The following SLC39A11 variants were observed in gnomAD, a reference collection of about 807,000 sequenced individuals.
SLC39A11 encodes zinc transporter ZIP11.
SLC39A11 carries 33 observed loss-of-function variants against 36.1 expected under a neutral mutation model. The ratio of observed to expected loss-of-function variants is 0.91; its 90% CI spans 0.69 to 1.22. The LOEUF (loss-of-function observed/expected upper bound fraction) is 1.22, where lower values mean the gene tolerates loss of function less well. SLC39A11 is among the 50% of genes most tolerant of loss of function. The pLI is 0.00. For missense variants in SLC39A11, 432 were observed against 430.3 expected (o/e 1.00, Z -0.03); for synonymous variants, 166 against 170.3 (o/e 0.97, Z 0.20).
At chr17:72,794,742 G>A (rs752405408) in intron 6 of SLC39A11, among the ~76,000 whole-genome samples, 3 of 151,872 alleles carry the variant, frequency 2.0e-5, no homozygotes, top group Non-Finnish European at 4.4e-5. Context: ...CAAGTCCCAG[G>A]GTGACTTTCA....
chr17:72,936,411 TAAAAAAAAAAAAAAAAAA>T (rs746428868), intron 5 of SLC39A11, among the ~76,000 whole-genome samples: 1 of 73,448 alleles, frequency 1.4e-5, no homozygotes, highest in Non-Finnish European at 2.5e-5. Context: ...TGAAAAAAAG[TAAAAAAAAAAAAAAAAAA>T]AAAAAAAAAA....
intron 5 of SLC39A11, among the ~76,000 whole-genome samples, chr17:72,923,572 G>C (rs955412302): frequency 5.3e-5 from 8 of 152,202 alleles, no homozygotes; most frequent in Admixed American, 1.3e-4. Context: ...CCGTGATCCA[G>C]CAGTAACACA....
At chr17:72,747,625 G>T (rs1363221279) in intron 6 of SLC39A11, among the ~76,000 whole-genome samples, 1 of 152,180 alleles carries the variant, frequency 6.6e-6, no homozygotes, top group Non-Finnish European at 1.5e-5. Flanking sequence ...CACACCATGG[G>T]GCAGGGCTGC....
chr17:72,878,110 G>A (rs1258722597), intron 5 of SLC39A11, among the ~76,000 whole-genome samples: 2 of 151,712 alleles, frequency 1.3e-5, no homozygotes, highest in African/African-American at 4.8e-5. Flanking sequence ...GAGAATGATG[G>A]TTTCCAGCTT....
intron 6 of SLC39A11, chr17:72,839,244 G>A (rs903013777): frequency 6.6e-6 from 1 of 152,222 alleles, no homozygotes; most frequent in Non-Finnish European, 1.5e-5. Flanking sequence ...CCTGCATTCA[G>A]AAGATACCTT....
At chr17:72,817,121 G>A (rs554814531) in intron 6 of SLC39A11, among the ~76,000 whole-genome samples, 3 of 152,156 alleles carry the variant, frequency 2.0e-5, no homozygotes, top group African/African-American at 7.2e-5. Flanking sequence ...CCCAGGCTGA[G>A]TAACTTATAA....
intron 3 of SLC39A11, among the ~76,000 whole-genome samples, chr17:73,046,106 A>G (rs772046837): frequency 6.6e-6 from 1 of 152,192 alleles, no homozygotes; most frequent in African/African-American, 2.4e-5. Flanking sequence ...GCAAAGATCT[A>G]TAAGAGAGGA....
At chr17:72,915,084 C>T (rs1230575661) in intron 5 of SLC39A11, among the ~76,000 whole-genome samples, 1 of 152,068 alleles carries the variant, frequency 6.6e-6, no homozygotes, top group African/African-American at 2.4e-5. Context: ...CTCAGTTGTA[C>T]CCAACCTTGA....
chr17:72,941,658 C>T (rs28476625), intron 5 of SLC39A11, among the ~76,000 whole-genome samples: 11,435 of 151,680 alleles, frequency 0.075, 1,236 homozygotes, highest in African/African-American at 0.25. Flanking sequence ...CTCTATAAAG[C>T]GTACCCACCC....
rs146281756 is a variant in SLC39A11 at position 72,736,327 on chromosome 17, G to A, written c.671+323C>T. ...GGAGGGCTTCAAAAAGGAAAGGCCT[G>A]AAGAGTGTCAGCGGCTGCCTTTGTT... On this transcript the variant is annotated intron_variant, in intron 7 of 9. Coordinates refer to ENST00000255559, the MANE Select transcript of SLC39A11 (RefSeq NM_139177.4). Among the ~76,000 whole-genome samples, 519 of 152,334 alleles carry A rather than the reference G, an allele frequency of 3.4e-3. 2 individuals are homozygous for A. Among genetic ancestry groups the A allele is most frequent in the Admixed American group, 6.2e-3 (95 of 15,306 alleles).
chr17:72,690,670 C>T (rs2144420473), intron 7 of SLC39A11, among the ~76,000 whole-genome samples: 1 of 152,284 alleles, frequency 6.6e-6, no homozygotes, highest in South Asian at 2.1e-4. Flanking sequence ...CCTTTTGGTT[C>T]CCCCAAATCC....
At chr17:72,724,103 ATT>A (rs935971350) in intron 7 of SLC39A11, among the ~76,000 whole-genome samples, 1 of 146,170 alleles carries the variant, frequency 6.8e-6, no homozygotes. Context: ...TGTCCCTTTT[ATT>A]TTTTTTTTTC....
intron 5 of SLC39A11, among the ~76,000 whole-genome samples, chr17:72,905,597 TA>T (rs570222840): frequency 1.2e-3 from 177 of 143,018 alleles, no homozygotes; most frequent in Admixed American, 1.3e-3. Context: ...ACTCTGTCTC[TA>T]AAAAAAAAAA....
At chr17:72,795,322 T>A (rs1329465327) in intron 6 of SLC39A11, among the ~76,000 whole-genome samples, 1 of 152,116 alleles carries the variant, frequency 6.6e-6, no homozygotes, top group East Asian at 1.9e-4. Context: ...CCTGTGCAGC[T>A]GCTGGCTTGG....
At chr17:73,030,345 A>T (rs1568154360) in intron 4 of SLC39A11, among the ~76,000 whole-genome samples, 1 of 152,220 alleles carries the variant, frequency 6.6e-6, no homozygotes, top group African/African-American at 2.4e-5. Context: ...GTTCTTCTGT[A>T]ACACAAGGAA....
At chr17:72,975,369 G>A (rs570467886) in intron 4 of SLC39A11, among the ~76,000 whole-genome samples, 2 of 152,344 alleles carry the variant, frequency 1.3e-5, no homozygotes, top group Admixed American at 6.5e-5. Flanking sequence ...AACCCTGGAG[G>A]CAGAGGTTGC....
chr17:72,971,700 C>T lies in SLC39A11; in HGVS notation c.307-23825G>A, dbSNP rs571041956. ...GCCGCCCCCCAGGAGGACTACCAAA[C>T]TGTATCCCTTGTTACTAGCATATGC... On this transcript the variant is annotated intron_variant, in intron 4 of 9. Transcript: ENST00000255559. Among the ~76,000 whole-genome samples, 4 of 152,016 alleles carry T rather than the reference C, an allele frequency of 2.6e-5. No individual in the cohort carries two copies. In the East Asian group the frequency reaches 7.8e-4, roughly 30 times the overall value.
intron 7 of SLC39A11, among the ~76,000 whole-genome samples, chr17:72,719,258 G>A (rs937742717): frequency 6.6e-6 from 1 of 151,962 alleles, no homozygotes. Flanking sequence ...AAGCAATCCT[G>A]AATCTGCCTC....
At chr17:73,059,618 G>C (rs2059775604) in intron 3 of SLC39A11, among the ~76,000 whole-genome samples, 3 of 147,950 alleles carry the variant, frequency 2.0e-5, no homozygotes. Flanking sequence ...TCGCGCCATT[G>C]CACTCCAGCC....
Sources: gnomAD v4.1 joint callset for allele counts (sites outside exome capture counted in the v4.1 genomes callset) on GRCh38, gnomAD v4.1.1 for gene constraint, MANE v1.5 for transcripts, NCBI Gene and HGNC (gene_info 2026-07-23, HGNC 2026-07-21) for gene names.